UNC5D: variants seen among roughly 807,000 people sequenced by gnomAD.
The protein encoded by UNC5D is unc-5 netrin receptor D.
Under a neutral mutation model 105.4 loss-of-function variants are expected in UNC5D, and 39 were observed. The ratio of observed to expected loss-of-function variants is 0.37; its 90% CI spans 0.29 to 0.48. The LOEUF is 0.48. Among genes scored for constraint, UNC5D ranks in the 20% least tolerant of loss-of-function variants. The probability of loss-of-function intolerance (pLI) is 0.98; values close to 1 mark genes in which losing one functional copy is unlikely to be tolerated. For synonymous variants in UNC5D, 452 were observed against 450.4 expected, an observed-to-expected ratio of 1.00 and a Z score of -0.04; for missense variants, 991 against 1,202.4, an observed-to-expected ratio of 0.82 and a Z score of 2.60.
At chr8:35,267,082 A>ATTT (rs36035512) in intron 1 of UNC5D, among the ~76,000 whole-genome samples, 11 of 137,244 alleles carry the variant, frequency 8.0e-5, no homozygotes, top group African/African-American at 1.3e-4. Context: ...ACAGGGACTG[A>ATTT]TTTTTTTTTT....
At chr8:35,716,747 G>T (rs1009634329) in intron 8 of UNC5D, among the ~76,000 whole-genome samples, 1 of 152,158 alleles carries the variant, frequency 6.6e-6, no homozygotes, top group South Asian at 2.1e-4. Flanking sequence ...GATATTACGA[G>T]ATTCTAAAGA....
chr8:35,350,116 T>C (rs1812106846), intron 1 of UNC5D, among the ~76,000 whole-genome samples: 1 of 151,918 alleles, frequency 6.6e-6, no homozygotes, highest in Admixed American at 6.6e-5. Flanking sequence ...ACCCCCAGAG[T>C]TCTGGAAACC....
intron 1 of UNC5D, among the ~76,000 whole-genome samples, chr8:35,408,994 C>T (rs1233499160): frequency 6.6e-6 from 1 of 152,068 alleles, no homozygotes; most frequent in Non-Finnish European, 1.5e-5. Context: ...TATAGTTTTG[C>T]ATTTTCTAAA....
intron 1 of UNC5D, among the ~76,000 whole-genome samples, chr8:35,239,487 C>A (rs1321776483): frequency 8.3e-6 from 1 of 121,052 alleles, no homozygotes; most frequent in African/African-American, 3.8e-5. Flanking sequence ...TGATATCCTT[C>A]CCTTCTGCTT....
chr8:35,507,157 G>A (rs1294447834), intron 1 of UNC5D, among the ~76,000 whole-genome samples: 1 of 141,372 alleles, frequency 7.1e-6, no homozygotes, highest in Non-Finnish European at 1.5e-5. Flanking sequence ...CCGGGTTCAC[G>A]CCATTCTCCT....
intron 1 of UNC5D, among the ~76,000 whole-genome samples, chr8:35,239,646 G>T (rs1192680140): frequency 6.6e-6 from 1 of 152,056 alleles, no homozygotes; most frequent in African/African-American, 2.4e-5. Flanking sequence ...GTGTTCACAG[G>T]GAGCCCAGAT....
intron 1 of UNC5D, among the ~76,000 whole-genome samples, chr8:35,256,971 T>G (rs112328868): frequency 0.067 from 10,063 of 149,702 alleles, 498 homozygotes; most frequent in African/African-American, 0.15. Flanking sequence ...TTTTTTTTTT[T>G]TTTTGTTTTT....
Position 35,453,905 on chromosome 8 carries a change from G to A in UNC5D, c.104-95387G>A, listed in dbSNP as rs368113635. Among the ~76,000 whole-genome samples the A allele has an allele frequency of 1.2e-4, 19 of 152,198 alleles. No homozygotes were observed. In the East Asian group the frequency reaches 3.1e-3, roughly 25 times the overall value. The stretch of plus-strand genomic sequence containing the variant: ...AAGGGGCTGGATTTATTTTTTCTAA[G>A]CTGCCTTTTTCTTTCCTCTCCCCTA... On this transcript the variant is annotated intron_variant, in intron 1 of 16. Transcript: ENST00000404895.
chr8:35,676,769 T>G (rs565556962), intron 4 of UNC5D, among the ~76,000 whole-genome samples: 1 of 152,198 alleles, frequency 6.6e-6, no homozygotes, highest in East Asian at 1.9e-4. Flanking sequence ...AGGAAAATGA[T>G]TTAGTGAAAG....
At chr8:35,740,927 G>T (rs769000356) in intron 11 of UNC5D, among the ~76,000 whole-genome samples, 2 of 152,134 alleles carry the variant, frequency 1.3e-5, no homozygotes, top group East Asian at 3.9e-4. Context: ...AGAGAAGGCT[G>T]TTTTCTCTAT....
intron 1 of UNC5D, among the ~76,000 whole-genome samples, chr8:35,287,018 A>G (rs1173764585): frequency 6.6e-6 from 1 of 152,190 alleles, no homozygotes; most frequent in Non-Finnish European, 1.5e-5. Flanking sequence ...AGCCAGAAAT[A>G]CTATTTGATC....
intron 13 of UNC5D, 100 bp downstream of exon 13, chr8:35,750,909 A>C (rs1052867149): frequency 1.4e-6 from 2 of 1,432,520 alleles, no homozygotes; most frequent in Non-Finnish European, 1.9e-6. Context: ...GGGTCTAGAA[A>C]ATGAACCCAC....
chr8:35,701,493 C>T (rs1482368742), intron 7 of UNC5D, among the ~76,000 whole-genome samples: 1 of 152,068 alleles, frequency 6.6e-6, no homozygotes, highest in East Asian at 1.9e-4. Flanking sequence ...TTATAAATAG[C>T]TGCTAAGAAC....
At chr8:35,786,932 A>G (rs532047171) in intron 16 of UNC5D, among the ~76,000 whole-genome samples, 1 of 152,168 alleles carries the variant, frequency 6.6e-6, no homozygotes, top group Non-Finnish European at 1.5e-5. Flanking sequence ...AAAAAAAATC[A>G]AAAGAGTAAT....
intron 4 of UNC5D, among the ~76,000 whole-genome samples, chr8:35,663,242 A>G (rs1370579152): frequency 6.6e-6 from 1 of 152,066 alleles, no homozygotes; most frequent in African/African-American, 2.4e-5. Context: ...GCAGAGGACA[A>G]ACAGTCAACA....
intron 14 of UNC5D, among the ~76,000 whole-genome samples, chr8:35,761,055 A>AG (rs1364301229): frequency 1.3e-5 from 2 of 152,036 alleles, no homozygotes; most frequent in East Asian, 3.9e-4. Context: ...TCAGGGGGCC[A>AG]GGGGCACATT....
intron 4 of UNC5D, among the ~76,000 whole-genome samples, chr8:35,679,539 T>C (rs1163418754): frequency 6.6e-6 from 1 of 152,094 alleles, no homozygotes; most frequent in Non-Finnish European, 1.5e-5. Context: ...AGCTCGAGGC[T>C]CTGAGGTGGC....
At chr8:35,498,397 AATG>A (rs1217321875) in intron 1 of UNC5D, among the ~76,000 whole-genome samples, 3 of 152,188 alleles carry the variant, frequency 2.0e-5, no homozygotes, top group Admixed American at 6.6e-5. Context: ...TGTAAATCTG[AATG>A]ATGTTTTTAA....
Position 35,754,328 on chromosome 8 carries a change from C to T in UNC5D, c.2163+3519C>T, listed in dbSNP as rs574177967. The stretch of plus-strand genomic sequence containing the variant: ...TGCTTCAACTATCCTTATGATGATA[C>T]GTTTGTTGTGATTAGGAAATCAATG... On this transcript the variant is annotated intron_variant, in intron 13 of 16. Coordinates refer to ENST00000404895, the MANE Select transcript of UNC5D (RefSeq NM_080872.4). Among the ~76,000 whole-genome samples, 39 of 152,260 alleles carry T rather than the reference C, an allele frequency of 2.6e-4. 1 individual carries two copies. In the South Asian group the frequency reaches 7.9e-3, roughly 31 times the overall value.
Sources: allele counts gnomAD v4.1 joint callset (sites outside exome capture counted in the v4.1 genomes callset), GRCh38; gene constraint gnomAD v4.1.1; transcripts MANE v1.5; gene names NCBI Gene and HGNC (gene_info 2026-07-23, HGNC 2026-07-21).